The following PACRGL variants were observed in gnomAD, a reference collection of about 807,000 sequenced individuals.
The protein encoded by PACRGL is PACRG-like protein.
PACRGL carries 38 observed loss-of-function variants against 34.5 expected under a neutral mutation model. The observed-to-expected ratio is 1.10, with a 90% CI of 0.85 to 1.44. The LOEUF (loss-of-function observed/expected upper bound fraction) is 1.44. Ranked by LOEUF, PACRGL falls within the 40% of genes most tolerant of loss-of-function variation. The pLI, the probability that PACRGL is intolerant of heterozygous loss-of-function variation, is 0.00. For missense variants in PACRGL, 305 were observed against 281.4 expected (o/e 1.08, Z -0.60); for synonymous variants, 128 against 100.1 (o/e 1.28, Z -1.66).
At chr4:20,701,660 G>A (rs1260289259) in intron 1 of PACRGL, 2 of 322,746 alleles carry the variant, frequency 6.2e-6, no homozygotes, top group Non-Finnish European at 1.2e-5. Context: ...TCAGTGGCAT[G>A]CTTCCAGGTG....
chr4:20,761,457 A>G, the PACRGL span, among the ~76,000 whole-genome samples: 1 of 152,210 alleles, frequency 6.6e-6, no homozygotes, highest in Non-Finnish European at 1.5e-5. Context: ...TTTTAAGACT[A>G]AACACTTTGC....
At chr4:20,735,538 T>G (rs566334458), downstream of PACRGL, among the ~76,000 whole-genome samples, 14 of 147,032 alleles carry the variant, frequency 9.5e-5, no homozygotes, top group South Asian at 4.4e-4. Flanking sequence ...TTGTTTTTTT[T>G]TTTTTTTTTG....
the PACRGL span, among the ~76,000 whole-genome samples, chr4:20,759,117 G>T: frequency 6.6e-6 from 1 of 152,136 alleles, no homozygotes; most frequent in Non-Finnish European, 1.5e-5. Flanking sequence ...GAGTATCAAA[G>T]TAGGTGTAAT....
At chr4:20,713,991 A>G (rs1422521880) in intron 7 of PACRGL, among the ~76,000 whole-genome samples, 2 of 151,898 alleles carry the variant, frequency 1.3e-5, no homozygotes, top group South Asian at 2.1e-4. Context: ...TGGGGTGGAG[A>G]GTTCTGTAGA....
At chr4:20,732,751 A>T, downstream of PACRGL, 1 of 1,611,800 alleles carries the variant, frequency 6.2e-7, no homozygotes, top group Non-Finnish European at 8.5e-7. Flanking sequence ...TTTACCCATC[A>T]TATCGTATAT....
rs1748187051 is a variant in PACRGL, at chr4:20,731,466, G to A, written c.*4125G>A. On this transcript the variant is annotated 3_prime_UTR_variant, in exon 9 of 9. Transcript: ENST00000503585. Reference sequence around the variant, plus strand: ...TTTCTTTGATAACAGGCTACTACCTGGAGTTCTCTTCAGAGAAAATTTTCC... The same window carrying A: ...TTTCTTTGATAACAGGCTACTACCTAGAGTTCTCTTCAGAGAAAATTTTCC... 1.0e-6 allele frequency: 1 copy of A among 984,972 alleles called. No homozygotes were observed. Among genetic ancestry groups the A allele is most frequent in the African/African-American group, 1.7e-5 (1 of 57,166 alleles). 61.0% of individuals were successfully genotyped at this position (984,972 alleles called of 1,614,324 possible).
At chr4:20,747,870 A>C (rs1752698859) in intron 8 of PACRGL, among the ~76,000 whole-genome samples, 1 of 151,188 alleles carries the variant, frequency 6.6e-6, no homozygotes, top group Non-Finnish European at 1.5e-5. Context: ...TTTCATCTTG[A>C]CTCCACAAAG....
chr4:20,711,352 T>A (rs1230961560), intron 5 of PACRGL, among the ~76,000 whole-genome samples: 1 of 152,206 alleles, frequency 6.6e-6, no homozygotes, highest in African/African-American at 2.4e-5. Flanking sequence ...ATTTTTATCT[T>A]TCTCCTGGCC....
At chr4:20,738,903 T>C (rs1750355438) in intron 8 of PACRGL, among the ~76,000 whole-genome samples, 1 of 152,148 alleles carries the variant, frequency 6.6e-6, no homozygotes. Context: ...ATTGTGCTTT[T>C]CCAACAGTCT....
upstream of PACRGL, among the ~76,000 whole-genome samples, chr4:20,698,915 C>A (rs561617279): frequency 6.6e-6 from 1 of 152,120 alleles, no homozygotes; most frequent in African/African-American, 2.4e-5. Flanking sequence ...ATTTAAGTCT[C>A]GCAATAACCC....
upstream of PACRGL, among the ~76,000 whole-genome samples, chr4:20,699,222 G>A (rs1560272051): frequency 7.7e-6 from 1 of 129,812 alleles, no homozygotes; most frequent in African/African-American, 3.1e-5. Context: ...CAGGATATAA[G>A]ATTTTTTTTT....
Position 20,729,520 on chromosome 4 carries a change from A to AAACTAATTTC in PACRGL, c.*2180_*2189dup, listed in dbSNP as rs1553881664. ...TTTAAATGTTTAAAAATGCCAGATA[A>AAACTAATTTC]AACTAATTTCTAACAGAAGGTGGGA... is the stretch of plus-strand genomic sequence containing the variant. On this transcript the variant is annotated 3_prime_UTR_variant, in exon 9 of 9. Transcript: ENST00000503585. 7.6e-6 allele frequency: 1 copy of AAACTAATTTC among 131,004 alleles called. No individual in the cohort carries two copies. The highest frequency in any genetic ancestry group is 1.7e-5 in the Non-Finnish European group (1 of 57,216). The allele number at this position is 131,004 out of a possible 1,614,324, so 8.1% of individuals were successfully genotyped here.
intron 3 of PACRGL, among the ~76,000 whole-genome samples, chr4:20,707,484 A>G (rs373303166): frequency 2.6e-5 from 4 of 152,354 alleles, no homozygotes; most frequent in African/African-American, 9.6e-5. Flanking sequence ...AAACAAATAT[A>G]CTTTTTCTGT....
rs1405306008 is a variant in PACRGL at position 20,730,213 on chromosome 4, C to T, written c.*2872C>T. 6.8e-7 allele frequency: 1 copy of T among 1,462,796 alleles called. No homozygotes were observed. Among genetic ancestry groups the T allele is most frequent in the African/African-American group, 1.4e-5 (1 of 70,234 alleles). The allele number at this position is 1,462,796 out of a possible 1,614,324, so 90.6% of individuals were successfully genotyped here. A position where few individuals can be genotyped will look rare whatever the true frequency, so the allele number is the denominator to read the frequency against. On this transcript the variant is annotated 3_prime_UTR_variant, in exon 9 of 9. Transcript: ENST00000503585. ...ATTTTGCCCCTGAGTATTGCCTCCT[C>T]CCATCAACCACCTCAACCACCTATG...
At chr4:20,718,121 A>G (rs1317487108) in intron 7 of PACRGL, among the ~76,000 whole-genome samples, 1 of 152,024 alleles carries the variant, frequency 6.6e-6, no homozygotes, top group Non-Finnish European at 1.5e-5. Context: ...TTCACTCATG[A>G]TTTGGCTCTC....
intron 3 of PACRGL, among the ~76,000 whole-genome samples, chr4:20,707,264 A>G (rs1734934237): frequency 6.6e-6 from 1 of 152,222 alleles, no homozygotes; most frequent in Admixed American, 6.5e-5. Context: ...ATTCATATAT[A>G]GCAAAACTGA....
At chr4:20,734,908 C>A (rs1270197881), downstream of PACRGL, among the ~76,000 whole-genome samples, 5 of 152,038 alleles carry the variant, frequency 3.3e-5, no homozygotes, top group African/African-American at 1.2e-4. Flanking sequence ...TAAATCACTC[C>A]TTAGTCTTAA....
chr4:20,698,120 C>T (rs1731315985), upstream of PACRGL, among the ~76,000 whole-genome samples: 1 of 152,056 alleles, frequency 6.6e-6, no homozygotes, highest in African/African-American at 2.4e-5. Context: ...TCTTCAGTAG[C>T]CAAACCCAAT....
the PACRGL span, among the ~76,000 whole-genome samples, chr4:20,765,150 C>G: frequency 6.6e-6 from 1 of 152,188 alleles, no homozygotes; most frequent in Non-Finnish European, 1.5e-5. Flanking sequence ...ACTGGAGATA[C>G]AGGAATGAGT....
Sources: allele counts gnomAD v4.1 joint callset (sites outside exome capture counted in the v4.1 genomes callset), GRCh38; gene constraint gnomAD v4.1.1; transcripts MANE v1.5; gene names NCBI Gene and HGNC (gene_info 2026-07-23, HGNC 2026-07-21).